The following SGIP1 variants were observed in gnomAD, a reference collection of about 807,000 sequenced individuals.
The protein encoded by SGIP1 is SH3-containing GRB2-like protein 3-interacting protein 1.
A neutral mutation model predicts 107.5 loss-of-function variants in SGIP1; 38 were observed. That is an observed-to-expected ratio of 0.35 (90% CI 0.27 to 0.46). The LOEUF is 0.46. Ranked by LOEUF, SGIP1 falls within the 20% of genes least tolerant of loss-of-function variation. The pLI is 1.00. For synonymous variants in SGIP1, 365 were observed against 366.1 expected, an observed-to-expected ratio of 1.00 and a Z score of 0.03; for missense variants, 929 against 1,019.5, an observed-to-expected ratio of 0.91 and a Z score of 1.21.
intron 7 of SGIP1, among the ~76,000 whole-genome samples, chr1:66,658,602 CAT>C (rs1320046277): frequency 1.3e-5 from 2 of 152,174 alleles, no homozygotes; most frequent in African/African-American, 2.4e-5. Flanking sequence ...AATTTATAAA[CAT>C]GTGTTGAGTG....
At chr1:66,669,642 C>A (rs993449119) in intron 9 of SGIP1, among the ~76,000 whole-genome samples, 3 of 152,174 alleles carry the variant, frequency 2.0e-5, no homozygotes, top group African/African-American at 7.2e-5. Flanking sequence ...ATGTCCTCAG[C>A]AGATTTACAT....
At chr1:66,533,384 G>A (rs2052855456), upstream of SGIP1, 1 of 152,356 alleles carries the variant, frequency 6.6e-6, no homozygotes, top group Non-Finnish European at 1.5e-5. Flanking sequence ...AGCGTTGCCA[G>A]TTTGATTCCA....
chr1:66,546,029 T>C (rs1028461239), intron 1 of SGIP1, among the ~76,000 whole-genome samples: 1 of 152,108 alleles, frequency 6.6e-6, no homozygotes, highest in Non-Finnish European at 1.5e-5. Context: ...ATCACAAACT[T>C]TTGGTGAAAG....
chr1:66,703,134 A>C (rs914903656), intron 18 of SGIP1, among the ~76,000 whole-genome samples: 3 of 152,212 alleles, frequency 2.0e-5, no homozygotes, highest in African/African-American at 7.2e-5. Flanking sequence ...CTTCACAACC[A>C]GTCCATGAGC....
chr1:66,705,422 G>T (rs941803919), intron 18 of SGIP1, among the ~76,000 whole-genome samples: 1 of 152,176 alleles, frequency 6.6e-6, no homozygotes, highest in Admixed American at 6.5e-5. Flanking sequence ...TGTCCCAAGG[G>T]TAATATTAAT....
chr1:66,629,745 T>A (rs913679692), intron 2 of SGIP1, among the ~76,000 whole-genome samples: 10 of 151,614 alleles, frequency 6.6e-5, no homozygotes, highest in African/African-American at 2.4e-4. Flanking sequence ...TTAGAGGGGG[T>A]TAGAAAGTGA....
Position 66,719,371 on chromosome 1 carries a change from G to A in SGIP1, c.1708G>A (p.Val570Ile). 1 of 1,613,514 alleles carries A rather than the reference G, an allele frequency of 6.2e-7. No individual in the cohort carries two copies. The change falls in exon 19 of 25, where the codon GTC becomes ATC. Residue 570 changes from valine (V) to isoleucine (I), a missense_variant. Physicochemically the swap from Val to Ile is conservative, Grantham distance 29. Coordinates refer to ENST00000371037, the MANE Select transcript of SGIP1 (RefSeq NM_032291.4). ...TGTTGCAGCAGCATTTACAGAAACA[G>A]TCAATGCCTATTTCAAAGGAGCAGA... ...LPVAAAFTETVNAYFKGADPS... is the reference protein window; with the variant it reads ...LPVAAAFTETINAYFKGADPS...
chr1:66,629,089 T>C (rs111934896), intron 2 of SGIP1, among the ~76,000 whole-genome samples: 1 of 152,246 alleles, frequency 6.6e-6, no homozygotes, highest in Non-Finnish European at 1.5e-5. Flanking sequence ...TCCCTTCAGC[T>C]TTAGTAAATG....
intron 17 of SGIP1, among the ~76,000 whole-genome samples, chr1:66,692,056 G>A (rs370899869): frequency 6.6e-6 from 1 of 151,908 alleles, no homozygotes; most frequent in South Asian, 2.1e-4. Flanking sequence ...CCACTTGGGA[G>A]GCTGAGGCAG....
At chr1:66,611,510 G>T (rs1334083462) in intron 1 of SGIP1, among the ~76,000 whole-genome samples, 1 of 152,206 alleles carries the variant, frequency 6.6e-6, no homozygotes, top group East Asian at 1.9e-4. Flanking sequence ...AGGCCACATG[G>T]TCCATAAGCC....
chr1:66,682,928 A>C (rs1430283916), intron 15 of SGIP1, among the ~76,000 whole-genome samples: 2 of 152,064 alleles, frequency 1.3e-5, no homozygotes, highest in Non-Finnish European at 2.9e-5. Context: ...TTTAGGAAGA[A>C]GCAAAAGAAA....
rs1273308678 is a variant in SGIP1 at position 66,744,053 on chromosome 1, G to C, written c.*958G>C. 1 of 152,072 alleles carries C rather than the reference G, an allele frequency of 6.6e-6. No homozygotes were observed. The highest frequency in any genetic ancestry group is 2.4e-5 in the African/African-American group (1 of 41,444). 9.4% of individuals were successfully genotyped at this position (152,072 alleles called of 1,614,324 possible). On this transcript the variant is annotated 3_prime_UTR_variant, in exon 25 of 25. Transcript: ENST00000371037. Reference sequence around the variant, plus strand: ...ATAGATGATCTTACTCATCCAGTATGGGGGAATGATACCTCACGTCTTCCT... The same window carrying C: ...ATAGATGATCTTACTCATCCAGTATCGGGGAATGATACCTCACGTCTTCCT...
At chr1:66,545,118 A>G (rs1416426592) in intron 1 of SGIP1, among the ~76,000 whole-genome samples, 1 of 152,000 alleles carries the variant, frequency 6.6e-6, no homozygotes. Flanking sequence ...CCACCTTCCA[A>G]TGAATCCTCC....
intron 21 of SGIP1, among the ~76,000 whole-genome samples, chr1:66,737,761 T>G (rs2094317383): frequency 6.6e-6 from 1 of 152,160 alleles, no homozygotes; most frequent in Non-Finnish European, 1.5e-5. Flanking sequence ...GACTTGCTGT[T>G]TTATTTTAAC....
chr1:66,709,805 A>T (rs665319), intron 18 of SGIP1, among the ~76,000 whole-genome samples: 5 of 152,026 alleles, frequency 3.3e-5, no homozygotes, highest in African/African-American at 9.6e-5. Context: ...AAGGGAATGC[A>T]TGTGGAACAC....
rs768735365 is a variant in SGIP1, at chr1:66,682,029, G to A, written c.975G>A (p.Pro325=). The A allele has an allele frequency of 1.7e-5, 27 of 1,613,984 alleles. No homozygotes were observed. Among genetic ancestry groups the A allele is most frequent in the Middle Eastern group, 3.3e-4 (2 of 6,084 alleles). ...ATACATCCCCGGAACATGTTACTCC[G>A]GAGTTGACTCCAAGGGAAAAAGTGG... ...FSDTSPEHVT[P]ELTPREKVVS... The change falls in exon 15 of 25, where the codon CCG becomes CCA. Residue 325 remains proline, a synonymous_variant. Coordinates refer to ENST00000371037, the MANE Select transcript of SGIP1 (RefSeq NM_032291.4).
At chr1:66,556,579 T>G (rs2058209263) in intron 1 of SGIP1, among the ~76,000 whole-genome samples, 1 of 152,086 alleles carries the variant, frequency 6.6e-6, no homozygotes, top group South Asian at 2.1e-4. Context: ...CCGGCTTTCT[T>G]GCAAAGCATG....
chr1:66,667,809 G>T (rs561068909), intron 9 of SGIP1, among the ~76,000 whole-genome samples: 1 of 152,198 alleles, frequency 6.6e-6, no homozygotes, highest in African/African-American at 2.4e-5. Flanking sequence ...GAGTGTGTGT[G>T]TATATATGTG....
chr1:66,541,912 C>T (rs1414582783), intron 1 of SGIP1, among the ~76,000 whole-genome samples: 1 of 152,100 alleles, frequency 6.6e-6, no homozygotes, highest in African/African-American at 2.4e-5. Context: ...ACAATGTCCC[C>T]CTTCTTCAGA....
Sources: allele counts gnomAD v4.1 joint callset (sites outside exome capture counted in the v4.1 genomes callset), GRCh38; gene constraint gnomAD v4.1.1; transcripts MANE v1.5; gene names NCBI Gene and HGNC (gene_info 2026-07-23, HGNC 2026-07-21).